SEMA4D: variants seen among roughly 807,000 people sequenced by gnomAD.
The protein encoded by SEMA4D is semaphorin 4D.
SEMA4D carries 22 observed loss-of-function variants against 74.8 expected under a neutral mutation model. The ratio of observed to expected loss-of-function variants is 0.29; its 90% CI spans 0.21 to 0.42. The LOEUF (loss-of-function observed/expected upper bound fraction) is 0.42. Ranked by LOEUF, SEMA4D falls within the 10% of genes least tolerant of loss-of-function variation. The pLI is 1.00. For synonymous variants in SEMA4D, 445 were observed against 463.7 expected, an observed-to-expected ratio of 0.96 and a Z score of 0.52; for missense variants, 937 against 1,118.4, an observed-to-expected ratio of 0.84 and a Z score of 2.31.
chr9:89,431,721 T>C (rs989309256), intron 2 of SEMA4D, among the ~76,000 whole-genome samples: 4 of 151,994 alleles, frequency 2.6e-5, no homozygotes, highest in African/African-American at 9.7e-5. Context: ...TGGCTTTGAA[T>C]TCCTAGGCTC....
chr9:89,486,660 C>T (rs1825222766), intron 1 of SEMA4D, among the ~76,000 whole-genome samples: 1 of 152,190 alleles, frequency 6.6e-6, no homozygotes, highest in African/African-American at 2.4e-5. Flanking sequence ...AAGCTCAGCA[C>T]TTCAGAAGGC....
intron 2 of SEMA4D, among the ~76,000 whole-genome samples, chr9:89,425,050 C>T (rs1356849429): frequency 6.6e-6 from 1 of 152,158 alleles, no homozygotes; most frequent in Non-Finnish European, 1.5e-5. Flanking sequence ...AAGAATACAC[C>T]ACCTATCTAG....
Position 89,381,342 on chromosome 9 carries a change from T to C in SEMA4D, c.1451A>G (p.Asn484Ser). ...QTLLLSSKKG[N>S]RFVYAGSNSG... The stretch of plus-strand genomic sequence containing the variant: ...GTTAGAGCCAGCATAGACAAACCTG[T>C]TGCCCTGCGTGTATGAGACAGAGAA... The change falls in exon 14 of 16, where the codon AAC becomes AGC. Residue 484 changes from asparagine (N) to serine (S), a missense_variant. By Grantham distance (46) the Asn-to-Ser change is conservative. Coordinates refer to ENST00000422704, the MANE Select transcript of SEMA4D (RefSeq NM_001371194.2). The surrounding 1 kb of genome is among the most constrained non-coding windows in gnomAD (Gnocchi z 4.6). The C allele has an allele frequency of 1.4e-6, 2 of 1,474,312 alleles. No homozygotes were observed. The highest frequency in any genetic ancestry group is 1.8e-6 in the Non-Finnish European group (2 of 1,108,496). 91.3% of individuals were successfully genotyped at this position (1,474,312 alleles called of 1,614,324 possible).
At chr9:89,391,222 C>T (rs374347904) in intron 9 of SEMA4D, 42 bp downstream of exon 9, 1 of 1,599,572 alleles carries the variant, frequency 6.3e-7, no homozygotes. Flanking sequence ...CACACTATTG[C>T]CATGGCAGGG....
chr9:89,487,534 G>A (rs1321845783), intron 1 of SEMA4D, among the ~76,000 whole-genome samples: 1 of 152,020 alleles, frequency 6.6e-6, no homozygotes, highest in Non-Finnish European at 1.5e-5. Context: ...TCCTAGAAGT[G>A]AAAGAAAAGA....
At chr9:89,429,472 AG>A (rs770341414) in intron 2 of SEMA4D, among the ~76,000 whole-genome samples, 69 of 152,326 alleles carry the variant, frequency 4.5e-4, no homozygotes, top group Admixed American at 1.8e-3. Flanking sequence ...GTTGGGGGGT[AG>A]GGGGCAGTGT....
chr9:89,396,641 TAGGGTGG>T, intron 6 of SEMA4D, 89 bp downstream of exon 6: 1 of 1,013,570 alleles, frequency 9.9e-7, no homozygotes, highest in Admixed American at 2.5e-5. Flanking sequence ...TATTTTTTTT[TAGGGTGG>T]AGACAGCTTT....
exon 18 of SEMA4D, chr9:89,363,468 C>T: frequency 1.2e-6 from 2 of 1,613,996 alleles, no homozygotes; most frequent in Non-Finnish European, 1.7e-6. Flanking sequence ...CGGTCGTGCT[C>T]CCCAGCCACA....
At position 89,377,717 on chromosome 9, in the gene SEMA4D, G is replaced by A. The variant is rs970004371; in HGVS notation, c.*987C>T. The A allele has an allele frequency of 4.6e-5, 7 of 152,158 alleles. No individual in the cohort carries two copies. Among genetic ancestry groups the A allele is most frequent in the African/African-American group, 1.7e-4 (7 of 41,404 alleles). 9.4% of individuals were successfully genotyped at this position (152,158 alleles called of 1,614,324 possible). On this transcript the variant is annotated 3_prime_UTR_variant, in exon 16 of 16. Transcript: ENST00000422704. ...GAGAACCAAAGGCGCCCTTGTGAAG[G>A]TTCCATCTGTCTCACAGGAGGTTCT...
chr9:89,393,827 G>C (rs1840351518), intron 6 of SEMA4D, among the ~76,000 whole-genome samples, 172 bp from the exon 7 acceptor site: 1 of 152,240 alleles, frequency 6.6e-6, no homozygotes, highest in Non-Finnish European at 1.5e-5. Context: ...GGCTTGTGTT[G>C]CTCAGCTCAG....
intron 16 of SEMA4D, chr9:89,369,296 C>T (rs892492101): frequency 1.3e-5 from 2 of 152,242 alleles, no homozygotes; most frequent in East Asian, 1.9e-4. Flanking sequence ...TCTGCTGCTG[C>T]CCTCTGATCC....
chr9:89,481,186 T>C (rs912728793), intron 1 of SEMA4D, among the ~76,000 whole-genome samples: 4 of 152,126 alleles, frequency 2.6e-5, no homozygotes, highest in African/African-American at 9.7e-5. Context: ...AACACCATGT[T>C]AGGAATGACA....
chr9:89,427,939 C>T (rs748688971), intron 2 of SEMA4D, among the ~76,000 whole-genome samples: 20 of 152,204 alleles, frequency 1.3e-4, no homozygotes, highest in Non-Finnish European at 2.5e-4. Context: ...TTCTGTCTCT[C>T]GTAGGGCCCA....
At chr9:89,485,626 T>C (rs1825122171) in intron 1 of SEMA4D, among the ~76,000 whole-genome samples, 1 of 151,652 alleles carries the variant, frequency 6.6e-6, no homozygotes, top group African/African-American at 2.4e-5. Context: ...CCATCTCTAC[T>C]AAAAATACAA....
chr9:89,392,868 A>G (rs1306803914), intron 7 of SEMA4D, among the ~76,000 whole-genome samples: 1 of 152,190 alleles, frequency 6.6e-6, no homozygotes, highest in Non-Finnish European at 1.5e-5. Context: ...CTTGGACTAC[A>G]GGTGCGCGCC....
chr9:89,424,108 C>T (rs1424698698), intron 2 of SEMA4D, among the ~76,000 whole-genome samples: 1 of 151,916 alleles, frequency 6.6e-6, no homozygotes, highest in African/African-American at 2.4e-5. Flanking sequence ...GCTACTCCCT[C>T]AGCAACTCCC....
At chr9:89,376,956 A>G (rs1835881777), downstream of SEMA4D, 1 of 1,550,480 alleles carries the variant, frequency 6.4e-7, no homozygotes, top group Admixed American at 2.0e-5. Context: ...GAGGCTGGCC[A>G]GGGGGTCCAG....
Position 89,472,855 on chromosome 9 carries a change from A to G in SEMA4D, c.-309-16902T>C, listed in dbSNP as rs546524256. On this transcript the variant is annotated intron_variant, in intron 1 of 15. Transcript: ENST00000422704. Reference sequence around the variant, plus strand: ...ACATCTGTAATCCCAGCATTTTGGGAGGCTGAGGTGAGAGGAGTGCTTGAG... The same window carrying G: ...ACATCTGTAATCCCAGCATTTTGGGGGGCTGAGGTGAGAGGAGTGCTTGAG... Among the ~76,000 whole-genome samples, 115 of 152,226 alleles carry G rather than the reference A, an allele frequency of 7.6e-4. 1 individual carries two copies. The highest frequency in any genetic ancestry group is 1.5e-3 in the Non-Finnish European group (101 of 68,008).
intron 1 of SEMA4D, among the ~76,000 whole-genome samples, chr9:89,480,415 T>G (rs1300333923): frequency 2.0e-5 from 3 of 152,250 alleles, no homozygotes; most frequent in Non-Finnish European, 2.9e-5. Context: ...TGCCGTGCGC[T>G]CGCATTCCTC....
Sources: allele counts gnomAD v4.1 joint callset (sites outside exome capture counted in the v4.1 genomes callset), GRCh38; gene constraint gnomAD v4.1.1; non-coding constraint Gnocchi (gnomAD v3.1); transcripts MANE v1.5; gene names NCBI Gene and HGNC (gene_info 2026-07-23, HGNC 2026-07-21).